The following PSD3 variants were observed in gnomAD, a reference collection of about 807,000 sequenced individuals.
The protein encoded by PSD3 is pleckstrin and Sec7 domain containing 3, also known as PH and SEC7 domain-containing protein 3.
A neutral mutation model predicts 105.5 loss-of-function variants in PSD3; 49 were observed. The observed-to-expected ratio is 0.46, with a 90% CI of 0.37 to 0.59. The LOEUF (loss-of-function observed/expected upper bound fraction) is 0.59, where lower values mean the gene tolerates loss of function less well. Among genes scored for constraint, PSD3 ranks in the 20% least tolerant of loss-of-function variants. The pLI, the probability that PSD3 is intolerant of heterozygous loss-of-function variation, is 0.00. For synonymous variants in PSD3, 557 were observed against 457.8 expected (o/e 1.22, Z -2.77); for missense variants, 1,561 against 1,263.8 (o/e 1.24, Z -3.57).
At chr8:18,891,559 C>T (rs897259298) in intron 2 of PSD3, among the ~76,000 whole-genome samples, 1 of 152,168 alleles carries the variant, frequency 6.6e-6, no homozygotes, top group Non-Finnish European at 1.5e-5. Context: ...TCACTTACTG[C>T]ATGTATGACC....
In PSD3 at chr8:19,013,569, G is replaced by A; in HGVS notation, c.15C>T (p.Ser5=). 1 of 1,550,888 alleles carries A rather than the reference G, an allele frequency of 6.4e-7. No individual in the cohort carries two copies. The highest frequency in any genetic ancestry group is 1.8e-5 in the Admixed American group (1 of 54,506). The stretch of plus-strand genomic sequence containing the variant: ...CCCCGGCCCCGGAGCTCACCGCTGC[G>A]CTCCTTCCTTCCATCTTCCATCGCC... MEGR[S]AAAETFVWVN... is the part of the protein sequence containing the mutation. Residue 5 remains serine (S), a synonymous_variant, in exon 1 of 16, where the codon AGC becomes AGT. Transcript: ENST00000327040.
chr8:19,013,877 A>AG (rs1251048069), upstream of PSD3, among the ~76,000 whole-genome samples: 28 of 42,186 alleles, frequency 6.6e-4, no homozygotes, highest in Admixed American at 5.3e-3. Context: ...CGCCTCGGGG[A>AG]GGGGGGAGGT....
intron 10 of PSD3, among the ~76,000 whole-genome samples, chr8:18,647,192 C>G (rs9325836): frequency 6.6e-6 from 1 of 151,942 alleles, no homozygotes; most frequent in Non-Finnish European, 1.5e-5. Flanking sequence ...CCAGTCATGA[C>G]TTAAATTTGC....
intron 9 of PSD3, among the ~76,000 whole-genome samples, chr8:18,692,989 T>A (rs1219799992): frequency 6.6e-6 from 1 of 152,144 alleles, no homozygotes; most frequent in East Asian, 1.9e-4. Context: ...TGGTACTAGC[T>A]CAACCTCAAG....
intron 9 of PSD3, among the ~76,000 whole-genome samples, chr8:18,711,074 A>G (rs1802221493): frequency 6.6e-6 from 1 of 152,218 alleles, no homozygotes; most frequent in African/African-American, 2.4e-5. Flanking sequence ...AATCTTTTTC[A>G]GACAAGCAAA....
chr8:18,673,645 C>T (rs1799911987), intron 9 of PSD3, among the ~76,000 whole-genome samples: 1 of 152,182 alleles, frequency 6.6e-6, no homozygotes, highest in African/African-American at 2.4e-5. Context: ...GACACCATGT[C>T]TTCTCTTTCA....
intron 4 of PSD3, among the ~76,000 whole-genome samples, chr8:18,808,092 T>C (rs1457552413): frequency 2.0e-5 from 3 of 152,250 alleles, no homozygotes; most frequent in African/African-American, 7.2e-5. Context: ...TCATGGTTAC[T>C]TTGTGTTTTC....
chr8:18,942,792 T>C (rs1822634571), intron 1 of PSD3, among the ~76,000 whole-genome samples: 1 of 152,206 alleles, frequency 6.6e-6, no homozygotes, highest in Non-Finnish European at 1.5e-5. Context: ...ATTTCTGTTG[T>C]TTCAGTGCCC....
intron 9 of PSD3, among the ~76,000 whole-genome samples, chr8:18,736,747 T>A (rs1049786842): frequency 6.6e-6 from 1 of 152,190 alleles, no homozygotes; most frequent in Non-Finnish European, 1.5e-5. Flanking sequence ...AGAGGTAACT[T>A]TGCTGAATCA....
chr8:19,061,321 G>C (rs1452112977), intron 1 of PSD3, among the ~76,000 whole-genome samples: 1 of 152,000 alleles, frequency 6.6e-6, no homozygotes. Context: ...AAAATATTTT[G>C]GGAAATTAAA....
chr8:18,724,670 C>T (rs914303589), intron 9 of PSD3, among the ~76,000 whole-genome samples: 68 of 151,682 alleles, frequency 4.5e-4, no homozygotes, highest in Admixed American at 4.5e-3. Flanking sequence ...CTGGTGGGGA[C>T]CTGGCGGGGG....
rs551010260 is a variant in PSD3, at chr8:18,630,610, G to A, written c.2410+2003C>T. ...AGGAAGTAGTAAATACTCCGAATAA[G>A]TGATAGCTGTTATACTTCCCCTTTT... On this transcript the variant is annotated intron_variant, in intron 11 of 15. Transcript: ENST00000327040. Among the ~76,000 whole-genome samples the A allele has an allele frequency of 7.9e-5, 12 of 152,040 alleles. No individual in the cohort carries two copies. In the South Asian group the frequency reaches 2.3e-3, roughly 29 times the overall value.
At position 18,865,224 on chromosome 8, in the gene PSD3, TTATATATATATATATATATA is replaced by T. The variant is rs1165818221; in HGVS notation, c.1634+2430_1634+2449del. ...ACCAAACTGGAATACAGATTCTATGTTATATATATATATATATATATATATATATATATATATATATATAT... is the reference window on the plus strand; with the variant it reads ...ACCAAACTGGAATACAGATTCTATGTTATATATATATATATATATATATAT... On this transcript the variant is annotated intron_variant, in intron 4 of 15. Transcript: ENST00000327040. The T allele has an allele frequency of 8.9e-3, 568 of 63,992 alleles. 16 individuals are homozygous for T. The highest frequency in any genetic ancestry group is 0.014 in the Non-Finnish European group (410 of 30,208). 4.0% of individuals were successfully genotyped at this position (63,992 alleles called of 1,614,324 possible). A position where few individuals can be genotyped will look rare whatever the true frequency, so the allele number is the denominator to read the frequency against.
At chr8:18,772,356 G>A (rs564681090) in intron 8 of PSD3, among the ~76,000 whole-genome samples, 58 of 151,958 alleles carry the variant, frequency 3.8e-4, no homozygotes, top group African/African-American at 1.2e-3. Flanking sequence ...ACAACAGTAC[G>A]TTTCCAATTT....
chr8:18,799,438 G>A, intron 7 of PSD3, 85 bp from the exon 8 acceptor site: 1 of 1,069,350 alleles, frequency 9.4e-7, no homozygotes, highest in Non-Finnish European at 1.4e-6. Context: ...GATACACTCA[G>A]AACCTATGAA....
At chr8:18,750,526 C>T (rs902018119) in intron 9 of PSD3, among the ~76,000 whole-genome samples, 1 of 152,016 alleles carries the variant, frequency 6.6e-6, no homozygotes, top group African/African-American at 2.4e-5. Flanking sequence ...TGAGCAGTAG[C>T]AAGATTTATT....
chr8:18,752,610 T>TTATATATATTATATATTATATATA (rs1805675451), intron 9 of PSD3, among the ~76,000 whole-genome samples: 2 of 71,158 alleles, frequency 2.8e-5, no homozygotes, highest in South Asian at 7.5e-4. Flanking sequence ...TTATATATAA[T>TTATATATATTATATATTATATATA]ACATATAATA....
At chr8:18,581,253 A>C (rs933165762) in intron 12 of PSD3, among the ~76,000 whole-genome samples, 1 of 152,190 alleles carries the variant, frequency 6.6e-6, no homozygotes, top group African/African-American at 2.4e-5. Flanking sequence ...CTAATTTTTA[A>C]AGCACATATG....
At chr8:18,561,056 T>G (rs1392907977) in intron 14 of PSD3, among the ~76,000 whole-genome samples, 1 of 152,144 alleles carries the variant, frequency 6.6e-6, no homozygotes, top group Non-Finnish European at 1.5e-5. Flanking sequence ...AAAAATGGAA[T>G]TACCAAATAA....
Sources: allele counts gnomAD v4.1 joint callset (sites outside exome capture counted in the v4.1 genomes callset), GRCh38; gene constraint gnomAD v4.1.1; transcripts MANE v1.5; gene names NCBI Gene and HGNC (gene_info 2026-07-23, HGNC 2026-07-21).